FUT9: variants seen among roughly 807,000 people sequenced by gnomAD.
The protein encoded by FUT9 is 4-galactosyl-N-acetylglucosaminide 3-alpha-L-fucosyltransferase 9.
FUT9 carries 15 observed loss-of-function variants against 29.7 expected under a neutral mutation model. The ratio of observed to expected loss-of-function variants is 0.51; its 90% CI spans 0.34 to 0.78. The LOEUF (loss-of-function observed/expected upper bound fraction) is 0.78, where lower values mean the gene tolerates loss of function less well. Among genes scored for constraint, FUT9 ranks in the 30% least tolerant of loss-of-function variants. The pLI is 0.01. For missense variants in FUT9, 319 were observed against 425.4 expected (o/e 0.75, Z 2.20); for synonymous variants, 169 against 153.7 (o/e 1.10, Z -0.74).
At chr6:96,053,831 G>A (rs919750279) in intron 1 of FUT9, among the ~76,000 whole-genome samples, 4 of 151,892 alleles carry the variant, frequency 2.6e-5, no homozygotes, top group African/African-American at 7.3e-5. Context: ...AAAGCTATTC[G>A]GTATTTGCTT....
intron 1 of FUT9, among the ~76,000 whole-genome samples, chr6:96,111,540 AACACACACACACACACACACAC>A (rs66491542): frequency 2.7e-5 from 4 of 145,660 alleles, no homozygotes; most frequent in Non-Finnish European, 4.5e-5. Context: ...TGATTTGGGA[AACACACACACACACACACACAC>A]ACACACACAC....
chr6:96,121,057 C>T (rs1327875606), intron 2 of FUT9, among the ~76,000 whole-genome samples: 1 of 152,062 alleles, frequency 6.6e-6, no homozygotes, highest in Non-Finnish European at 1.5e-5. Flanking sequence ...CCAATAATTT[C>T]AGAGAAAATT....
At chr6:96,195,679 A>G (rs1431063812) in intron 2 of FUT9, among the ~76,000 whole-genome samples, 1 of 152,220 alleles carries the variant, frequency 6.6e-6, no homozygotes, top group East Asian at 1.9e-4. Flanking sequence ...TATAATAGCT[A>G]AAGCGTAAAG....
At chr6:96,082,881 C>G (rs1270277397) in intron 1 of FUT9, among the ~76,000 whole-genome samples, 8 of 151,864 alleles carry the variant, frequency 5.3e-5, no homozygotes, top group Admixed American at 3.9e-4. Context: ...GGTTTACCTA[C>G]TTATTTGTTT....
intron 2 of FUT9, among the ~76,000 whole-genome samples, chr6:96,141,837 G>A (rs1772469468): frequency 6.6e-6 from 1 of 152,168 alleles, no homozygotes; most frequent in Non-Finnish European, 1.5e-5. Context: ...TGTTGCCTTT[G>A]AGATTTTCCT....
In FUT9 at chr6:96,203,458, C is replaced by T. The variant is rs774844654; in HGVS notation, c.303C>T (p.Asn101=). Residue 101 remains asparagine (N), a synonymous_variant, in exon 3 of 3, where the codon AAC becomes AAT. Transcript: ENST00000302103. ...CHLTTDRSLY[N]KSHAVLIHHR... ...TCACAACGGACCGTTCACTGTACAA[C>T]AAATCCCATGCAGTTCTGATCCATC... The T allele has an allele frequency of 6.2e-7, 1 of 1,608,372 alleles. No individual in the cohort carries two copies. Among genetic ancestry groups the T allele is most frequent in the East Asian group, 2.2e-5 (1 of 44,854 alleles).
intron 1 of FUT9, among the ~76,000 whole-genome samples, chr6:96,109,051 C>T (rs569494961): frequency 6.6e-6 from 1 of 152,148 alleles, no homozygotes. Flanking sequence ...TCATAAAATT[C>T]TACTTAAAGT....
intron 1 of FUT9, among the ~76,000 whole-genome samples, chr6:96,039,297 C>A (rs796735485): frequency 1.3e-5 from 2 of 152,120 alleles, no homozygotes; most frequent in South Asian, 4.1e-4. Context: ...ATGTGGAATG[C>A]AGGCATGAGA....
At chr6:96,106,289 G>A (rs1289005208) in intron 1 of FUT9, among the ~76,000 whole-genome samples, 1 of 123,998 alleles carries the variant, frequency 8.1e-6, no homozygotes, top group East Asian at 2.3e-4. Flanking sequence ...AGAATTGGGA[G>A]GGAGGGTTAT....
At chr6:96,182,272 GT>G (rs1300546590) in intron 2 of FUT9, among the ~76,000 whole-genome samples, 4 of 151,662 alleles carry the variant, frequency 2.6e-5, no homozygotes, top group Non-Finnish European at 5.9e-5. Context: ...TGATGGAATT[GT>G]TTTTTTCTTG....
intron 1 of FUT9, among the ~76,000 whole-genome samples, chr6:96,022,603 A>G (rs1582175789): frequency 6.6e-6 from 1 of 151,930 alleles, no homozygotes; most frequent in Non-Finnish European, 1.5e-5. Context: ...GGCACTTGCA[A>G]CAGTTGAATG....
chr6:96,017,742 T>C (rs535892602), intron 1 of FUT9, among the ~76,000 whole-genome samples: 9 of 152,266 alleles, frequency 5.9e-5, no homozygotes, highest in African/African-American at 2.2e-4. Context: ...TCAATATAAA[T>C]TTCCTGGTAT....
intron 2 of FUT9, among the ~76,000 whole-genome samples, chr6:96,123,926 A>G (rs1203455411): frequency 6.6e-6 from 1 of 151,834 alleles, no homozygotes; most frequent in Admixed American, 6.6e-5. Context: ...ATACTGTGTC[A>G]GTATCCAACA....
intron 2 of FUT9, among the ~76,000 whole-genome samples, chr6:96,125,017 C>A (rs1772107173): frequency 6.6e-6 from 1 of 152,096 alleles, no homozygotes; most frequent in Non-Finnish European, 1.5e-5. Context: ...GACAGAATAA[C>A]AAGAGACTCC....
chr6:96,167,011 A>G (rs1194163746), intron 2 of FUT9, among the ~76,000 whole-genome samples: 1 of 152,178 alleles, frequency 6.6e-6, no homozygotes, highest in Non-Finnish European at 1.5e-5. Flanking sequence ...AGTTGAATCC[A>G]TGGATGCAAA....
intron 1 of FUT9, among the ~76,000 whole-genome samples, chr6:96,086,518 C>A (rs1771319700): frequency 1.3e-5 from 2 of 152,084 alleles, no homozygotes; most frequent in South Asian, 4.1e-4. Context: ...AAATACTTCC[C>A]CATCTTAAAG....
intron 1 of FUT9, among the ~76,000 whole-genome samples, chr6:96,031,840 G>A (rs1770267402): frequency 6.6e-6 from 1 of 151,392 alleles, no homozygotes; most frequent in South Asian, 2.1e-4. Context: ...AATTCTTGAT[G>A]GAGAAGAATT....
chr6:96,151,395 A>G (rs1033214055), intron 2 of FUT9, among the ~76,000 whole-genome samples: 2 of 152,216 alleles, frequency 1.3e-5, no homozygotes, highest in Non-Finnish European at 2.9e-5. Flanking sequence ...AAGAGAATGA[A>G]GAAATTATAC....
intron 1 of FUT9, among the ~76,000 whole-genome samples, chr6:96,069,806 T>G (rs1001925393): frequency 9.9e-5 from 15 of 151,962 alleles, no homozygotes; most frequent in Non-Finnish European, 1.6e-4. Context: ...AATTTTTTTG[T>G]ATTTTTAGTA....
Sources: allele counts gnomAD v4.1 joint callset (sites outside exome capture counted in the v4.1 genomes callset), GRCh38; gene constraint gnomAD v4.1.1; transcripts MANE v1.5; gene names NCBI Gene and HGNC (gene_info 2026-07-23, HGNC 2026-07-21).